AK7: variants seen among roughly 807,000 people sequenced by gnomAD.
AK7 encodes ATP-AMP transphosphorylase 7.
In AK7, 78 loss-of-function variants were observed where a neutral mutation model predicts 96.6. That is an observed-to-expected ratio of 0.81 (90% confidence interval 0.67 to 0.97). The LOEUF is 0.97. Among genes scored for constraint, AK7 ranks in the 50% least tolerant of loss-of-function variants. AK7 has a pLI of 0.00. For synonymous variants in AK7, 302 were observed against 317.2 expected (o/e 0.95, Z 0.51); for missense variants, 855 against 887.9 (o/e 0.96, Z 0.47).
Position 96,404,393 on chromosome 14 carries a change from T to A in AK7, c.295-364T>A, listed in dbSNP as rs572117486. On this transcript the variant is annotated intron_variant, in intron 2 of 17. Coordinates refer to ENST00000267584, the MANE Select transcript of AK7 (RefSeq NM_152327.5). ...GCACTTCTGAGTGATTCGTGGTATA[T>A]AATTGCTCAAATAATCTTGCATAGA... Among the ~76,000 whole-genome samples the A allele has an allele frequency of 3.9e-5, 6 of 152,356 alleles. No individual in the cohort carries two copies. The East Asian group carries it at 1.2e-3, about 29-fold the overall frequency.
At chr14:96,428,160 G>C (rs1214009255) in intron 5 of AK7, among the ~76,000 whole-genome samples, 2 of 151,920 alleles carry the variant, frequency 1.3e-5, no homozygotes, top group Non-Finnish European at 2.9e-5. Flanking sequence ...TCCCCACCCT[G>C]TGTCCAAGTG....
At chr14:96,482,709 G>A (rs961792403) in intron 15 of AK7, among the ~76,000 whole-genome samples, 5 of 152,114 alleles carry the variant, frequency 3.3e-5, no homozygotes, top group Non-Finnish European at 7.3e-5. Flanking sequence ...CAGGCATGGA[G>A]AGCTCATTAC....
intron 12 of AK7, among the ~76,000 whole-genome samples, chr14:96,459,275 C>T (rs1216340584): frequency 1.3e-5 from 2 of 151,334 alleles, no homozygotes; most frequent in Non-Finnish European, 3.0e-5. Context: ...GAGGTGGAGG[C>T]TGCAGTGAGC....
chr14:96,487,707 G>A (rs946241052), intron 17 of AK7, among the ~76,000 whole-genome samples: 1 of 151,658 alleles, frequency 6.6e-6, no homozygotes, highest in East Asian at 2.0e-4. Context: ...GATTACAGGC[G>A]TGAGCCACCA....
chr14:96,487,401 G>GA (rs1249729830), intron 17 of AK7, among the ~76,000 whole-genome samples: 38 of 95,724 alleles, frequency 4.0e-4, no homozygotes, highest in African/African-American at 1.1e-3. Flanking sequence ...AAAAAAAAAA[G>GA]AAAAAAAAAG....
At chr14:96,437,946 TAA>T (rs1328776980) in intron 6 of AK7, 31 bp downstream of exon 6, 1 of 1,587,440 alleles carries the variant, frequency 6.3e-7, no homozygotes. Context: ...GTGGAATGTT[TAA>T]AAGTGTCTTA....
At chr14:96,437,330 CTATATACTTATTA>C (rs746522503) in intron 5 of AK7, among the ~76,000 whole-genome samples, 38 of 152,086 alleles carry the variant, frequency 2.5e-4, no homozygotes, top group Non-Finnish European at 3.1e-4. Flanking sequence ...CCCCATAAAT[CTATATACTTATTA>C]TGTACCCACA....
At chr14:96,434,422 G>GTCTCTCTCTCTCTCTCTC (rs3077780) in intron 5 of AK7, among the ~76,000 whole-genome samples, 8 of 149,318 alleles carry the variant, frequency 5.4e-5, no homozygotes, top group African/African-American at 2.0e-4. Context: ...CTGTCTGTCT[G>GTCTCTCTCTCTCTCTCTC]TCTCTCTCTC....
chr14:96,434,780 G>A (rs1892550415), intron 5 of AK7, among the ~76,000 whole-genome samples: 1 of 152,254 alleles, frequency 6.6e-6, no homozygotes, highest in Admixed American at 6.5e-5. Context: ...CTATTGTATT[G>A]CGGCTGAGCT....
intron 1 of AK7, among the ~76,000 whole-genome samples, chr14:96,396,045 C>T (rs552409421): frequency 2.2e-4 from 33 of 151,982 alleles, no homozygotes; most frequent in Admixed American, 1.8e-3. Flanking sequence ...CTCCTGACCT[C>T]GTGATCTGCC....
chr14:96,474,446 TAAAAAAAA>T, intron 14 of AK7, among the ~76,000 whole-genome samples: 1 of 101,466 alleles, frequency 9.9e-6, no homozygotes, highest in Non-Finnish European at 2.0e-5. Context: ...TCATATCTAC[TAAAAAAAA>T]AAAAAAAAAA....
intron 6 of AK7, among the ~76,000 whole-genome samples, chr14:96,441,786 A>G (rs572388953): frequency 3.3e-5 from 5 of 152,026 alleles, no homozygotes; most frequent in South Asian, 4.2e-4. Context: ...ATTACCCATC[A>G]TAAAATTCCC....
At position 96,426,973 on chromosome 14, in the gene AK7, TG is replaced by T. The variant is rs1353362661; in HGVS notation, c.609+6043del. ...AAAGAAAAGAGGTTTAGGCCGGGTG[TG>T]GTGGCTCACGCCTGTAATCCCAGCA... On this transcript the variant is annotated intron_variant, in intron 5 of 17. Transcript: ENST00000267584. Among the ~76,000 whole-genome samples the T allele has an allele frequency of 2.0e-5, 3 of 152,288 alleles. No individual in the cohort carries two copies. In the East Asian group the frequency reaches 5.8e-4, roughly 29 times the overall value.
chr14:96,472,482 T>C (rs997227835), intron 13 of AK7, among the ~76,000 whole-genome samples: 16 of 152,230 alleles, frequency 1.1e-4, no homozygotes. Context: ...GGCTGAATAG[T>C]ATTCTGTTGG....
At position 96,442,798 on chromosome 14, in the gene AK7, C is replaced by T; in HGVS notation, c.759C>T (p.Ile253=). 6.2e-7 allele frequency: 1 copy of T among 1,614,096 alleles called. No individual in the cohort carries two copies. Among genetic ancestry groups the T allele is most frequent in the Admixed American group, 1.7e-5 (1 of 60,024 alleles). ...ATGGAACAAATGTAATTCCAACAAT[C>T]CATGTTCTTGATCTAGCAGGGTAAG... ...FGDGTNVIPT[I]HVLDLAGVIQ... is the part of the protein sequence containing the mutation. The change falls in exon 7 of 18, where the codon ATC becomes ATT. Residue 253 remains isoleucine (I), a synonymous_variant. Coordinates refer to ENST00000267584, the MANE Select transcript of AK7 (RefSeq NM_152327.5).
chr14:96,479,377 G>A (rs540152879), intron 15 of AK7, among the ~76,000 whole-genome samples: 64 of 148,566 alleles, frequency 4.3e-4, no homozygotes, highest in African/African-American at 1.4e-3. Flanking sequence ...GTGCCTGGCC[G>A]ACAAACTCTT....
intron 12 of AK7, among the ~76,000 whole-genome samples, chr14:96,467,073 C>T (rs997815669): frequency 2.7e-5 from 4 of 146,638 alleles, no homozygotes; most frequent in African/African-American, 7.5e-5. Flanking sequence ...GGCAAAGGTT[C>T]TCATAAACAC....
At chr14:96,435,840 G>C (rs1402779603) in intron 5 of AK7, among the ~76,000 whole-genome samples, 3 of 152,102 alleles carry the variant, frequency 2.0e-5, no homozygotes, top group African/African-American at 4.8e-5. Flanking sequence ...TGAGTTCAAT[G>C]CCTCTCAAAT....
At chr14:96,414,703 C>G (rs1891223798) in intron 4 of AK7, among the ~76,000 whole-genome samples, 1 of 151,406 alleles carries the variant, frequency 6.6e-6, no homozygotes, top group Non-Finnish European at 1.5e-5. Flanking sequence ...CCTAAAACAG[C>G]CCAAGAAACA....
Sources: gnomAD v4.1 joint callset for allele counts (sites outside exome capture counted in the v4.1 genomes callset) on GRCh38, gnomAD v4.1.1 for gene constraint, MANE v1.5 for transcripts, NCBI Gene and HGNC (gene_info 2026-07-23, HGNC 2026-07-21) for gene names.